C3orf22: variants seen among roughly 807,000 people sequenced by gnomAD.
C3orf22 encodes the protein chromosome 3 open reading frame 22, also known as uncharacterized protein C3orf22.
Under a neutral mutation model 10.8 loss-of-function variants are expected in C3orf22, and 7 were observed. That is an observed-to-expected ratio of 0.65 (90% confidence interval 0.37 to 1.22). The LOEUF (loss-of-function observed/expected upper bound fraction) is 1.22. C3orf22 is among the 50% of genes most tolerant of loss of function. C3orf22 has a pLI of 0.02. For synonymous variants in C3orf22, 79 were observed against 78.9 expected (o/e 1.00, Z 0.00); for missense variants, 173 against 177.0 (o/e 0.98, Z 0.13).
chr3:126,554,094 T>C (rs1475167389), intron 1 of C3orf22, among the ~76,000 whole-genome samples: 4 of 152,036 alleles, frequency 2.6e-5, no homozygotes, highest in Non-Finnish European at 4.4e-5. Flanking sequence ...GGCTCACTGC[T>C]GCCTCAACCT....
intron 4 of C3orf22, among the ~76,000 whole-genome samples, chr3:126,533,483 T>C (rs1160279409): frequency 2.0e-5 from 3 of 152,216 alleles, no homozygotes; most frequent in African/African-American, 7.2e-5. Context: ...TTGATGAGCA[T>C]GTGGGCTTTT....
chr3:126,548,286 A>G (rs1433420391), downstream of C3orf22, among the ~76,000 whole-genome samples: 3 of 152,198 alleles, frequency 2.0e-5, no homozygotes, highest in Non-Finnish European at 4.4e-5. Context: ...GTAAGCCACC[A>G]TGTCTGGCCA....
In C3orf22 at chr3:126,549,824, A is replaced by G; in HGVS notation, c.*44T>C. ...TGTGGCTACTGCCCAGAGCCTGCCA[A>G]GGAGAAGGTGGCCAATAAGAAGGCC... is the stretch of plus-strand genomic sequence containing the variant. On this transcript the variant is annotated 3_prime_UTR_variant, in exon 4 of 4. Coordinates refer to ENST00000318225, the MANE Select transcript of C3orf22 (RefSeq NM_152533.3). The G allele has an allele frequency of 6.3e-7, 1 of 1,575,314 alleles. No homozygotes were observed. The highest frequency in any genetic ancestry group is 8.6e-7 in the Non-Finnish European group (1 of 1,160,438).
At chr3:126,546,273 C>A (rs182619315), downstream of C3orf22, among the ~76,000 whole-genome samples, 72 of 152,284 alleles carry the variant, frequency 4.7e-4, 1 homozygote, top group African/African-American at 1.7e-3. Context: ...GGAAGTCGGG[C>A]GATAAATGCT....
At chr3:126,553,219 C>T (rs988730884) in intron 2 of C3orf22, 83 bp downstream of exon 2, 6 of 983,938 alleles carry the variant, frequency 6.1e-6, no homozygotes, top group Non-Finnish European at 9.9e-6. Flanking sequence ...GCTGCAGCCC[C>T]ACAGAATGCA....
At chr3:126,544,027 T>C (rs1001218876) in intron 4 of C3orf22, among the ~76,000 whole-genome samples, 7 of 152,226 alleles carry the variant, frequency 4.6e-5, no homozygotes, top group Non-Finnish European at 4.4e-5. Context: ...AAAACTCATG[T>C]TGAAATTTAA....
chr3:126,541,641 A>G (rs949224583), intron 4 of C3orf22: 1 of 1,239,098 alleles, frequency 8.1e-7, no homozygotes, highest in African/African-American at 1.6e-5. Context: ...CCTGCTCCCA[A>G]TTCCCGGGCG....
At chr3:126,550,117 C>T (rs1340817943) in intron 3 of C3orf22, 39 bp from the exon 4 acceptor site, 1 of 1,607,280 alleles carries the variant, frequency 6.2e-7, no homozygotes, top group South Asian at 1.1e-5. Context: ...GCCTTCAGGA[C>T]CCCTGCTGGC....
intron 4 of C3orf22, among the ~76,000 whole-genome samples, chr3:126,539,773 GCA>G (rs1402712374): frequency 1.2e-4 from 2 of 16,380 alleles, no homozygotes; most frequent in Non-Finnish European, 2.2e-4. Flanking sequence ...CACACACACA[GCA>G]CACACACACC....
rs1407183188 is a variant in C3orf22 at position 126,552,037 on chromosome 3, G to A, written c.175C>T (p.Gln59Ter). 6.2e-7 allele frequency: 1 copy of A among 1,613,580 alleles called. No individual in the cohort carries two copies. Among genetic ancestry groups the A allele is most frequent in the African/African-American group, 1.3e-5 (1 of 74,896 alleles). ...GACCTCGTTGGCACCAACCTCTTCT[G>A]CAGGGGCAGCTGCACCGTGTTCGAG... ...NDSNTVQLPLQKRLVPTRSIP... is the reference protein window; with the variant it reads ...NDSNTVQLPL Residue 59 changes from glutamine (Q) to a stop codon, truncating the protein, a stop_gained, in exon 3 of 4, where the codon CAG (glutamine) becomes TAG (stop). Transcript: ENST00000318225. LOFTEE classifies it low-confidence loss of function (END_TRUNC).
chr3:126,542,752 T>C lies in C3orf22; in HGVS notation c.286+6785A>G. On this transcript the variant is annotated intron_variant and NMD_transcript_variant, in intron 4 of 5. Transcript: ENST00000505070. ...TGGCCAGGCTTGGGGGCAGCCCATC[T>C]CAGGTGGCCCTGCACGCGTGTGCCT... The C allele has an allele frequency of 5.9e-6, 6 of 1,016,028 alleles. No homozygotes were observed. In the South Asian group the frequency reaches 1.6e-4, roughly 26 times the overall value. 62.9% of individuals were successfully genotyped at this position (1,016,028 alleles called of 1,614,324 possible).
intron 4 of C3orf22, among the ~76,000 whole-genome samples, chr3:126,541,394 A>G (rs1436400537): frequency 6.6e-6 from 1 of 152,166 alleles, no homozygotes; most frequent in Non-Finnish European, 1.5e-5. Context: ...CTTTTAGTAA[A>G]CATTGAAGAG....
At chr3:126,530,495 T>C (rs914023445) in intron 4 of C3orf22, among the ~76,000 whole-genome samples, 3 of 152,166 alleles carry the variant, frequency 2.0e-5, no homozygotes, top group African/African-American at 7.2e-5. Flanking sequence ...CACAGGCTGC[T>C]GAGCACCAGT....
intron 1 of C3orf22, among the ~76,000 whole-genome samples, chr3:126,556,697 C>A (rs796675445): frequency 5.9e-4 from 89 of 150,518 alleles, no homozygotes; most frequent in African/African-American, 2.2e-3. Context: ...CTCATTCTCA[C>A]ACACACACTC....
chr3:126,549,456 G>GT, downstream of C3orf22: 1 of 451,790 alleles, frequency 2.2e-6, no homozygotes, highest in Non-Finnish European at 4.3e-6. Context: ...GCAGTTTCCT[G>GT]TGAGTGTTTA....
At chr3:126,543,478 G>A (rs898312645) in intron 4 of C3orf22, among the ~76,000 whole-genome samples, 7 of 152,110 alleles carry the variant, frequency 4.6e-5, no homozygotes, top group African/African-American at 1.7e-4. Context: ...GCTACATGGG[G>A]CATAAGGTGA....
intron 4 of C3orf22, among the ~76,000 whole-genome samples, chr3:126,532,086 A>G (rs1936672155): frequency 6.6e-6 from 1 of 152,164 alleles, no homozygotes; most frequent in African/African-American, 2.4e-5. Flanking sequence ...ATGTCTATTC[A>G]GATTCTTTGC....
chr3:126,534,933 C>CAGACAGACAGCATCCCTGTCCCCAGCCGG (rs1936736556), intron 4 of C3orf22, among the ~76,000 whole-genome samples: 1 of 144,668 alleles, frequency 6.9e-6, no homozygotes, highest in African/African-American at 2.6e-5. Context: ...AGCCGGGAGA[C>CAGACAGACAGCATCCCTGTCCCCAGCCGG]AGACAGACAG....
At chr3:126,529,656 CCTT>C (rs1443578134) in intron 4 of C3orf22, among the ~76,000 whole-genome samples, 2 of 152,208 alleles carry the variant, frequency 1.3e-5, no homozygotes, top group African/African-American at 2.4e-5. Context: ...TGCTTTGTCT[CCTT>C]CTGTCTCTTC....
Sources: gnomAD v4.1 joint callset for allele counts (sites outside exome capture counted in the v4.1 genomes callset) on GRCh38, gnomAD v4.1.1 for gene constraint, MANE v1.5 for transcripts, NCBI Gene and HGNC (gene_info 2026-07-23, HGNC 2026-07-21) for gene names.